Variants in PIKFYVE observed in about 807,000 individuals in gnomAD.
The protein encoded by PIKFYVE is phosphoinositide kinase, FYVE-type zinc finger containing, also known as 1-phosphatidylinositol 3-phosphate 5-kinase.
PIKFYVE carries 122 observed loss-of-function variants against 257.9 expected under a neutral mutation model. The observed-to-expected ratio is 0.47, with a 90% CI of 0.41 to 0.55. The LOEUF (loss-of-function observed/expected upper bound fraction) is 0.55, where lower values mean the gene tolerates loss of function less well. PIKFYVE is among the 20% of genes least tolerant of loss of function. PIKFYVE has a pLI of 0.00. For missense variants in PIKFYVE, 2,160 were observed against 2,536.6 expected, an observed-to-expected ratio of 0.85 and a Z score of 3.19; for synonymous variants, 892 against 868.9, an observed-to-expected ratio of 1.03 and a Z score of -0.47.
chr2:208,293,222 C>A (rs1193868733), intron 7 of PIKFYVE, among the ~76,000 whole-genome samples: 1 of 151,940 alleles, frequency 6.6e-6, no homozygotes, highest in Non-Finnish European at 1.5e-5. Flanking sequence ...TCCCTCCCAT[C>A]TGTTGTATTA....
intron 12 of PIKFYVE, among the ~76,000 whole-genome samples, chr2:208,306,360 A>G (rs1694313438): frequency 6.6e-6 from 1 of 152,246 alleles, no homozygotes; most frequent in South Asian, 2.1e-4. Flanking sequence ...CTTGGAGGAT[A>G]TTATGAAGGT....
At position 208,352,678 on chromosome 2, in the gene PIKFYVE, C is replaced by T; in HGVS notation, c.5740C>T (p.Leu1914Phe). Residue 1914 changes from leucine to phenylalanine, a missense_variant, in exon 39 of 42, where the codon CTT becomes TTT. Physicochemically the swap from Leu to Phe is conservative, Grantham distance 22. Coordinates refer to ENST00000264380, the MANE Select transcript of PIKFYVE (RefSeq NM_015040.4). Reference protein sequence around the residue: ...QKRPTALAKILGVYRIGYKNS... With the variant: ...QKRPTALAKIFGVYRIGYKNS... ...GAGGCCCACGGCGTTGGCCAAAATTCTTGGAGTTTACAGAATTGGTTATAA... is the reference window on the plus strand; with the variant it reads ...GAGGCCCACGGCGTTGGCCAAAATTTTTGGAGTTTACAGAATTGGTTATAA... 1 of 1,613,688 alleles carries T rather than the reference C, an allele frequency of 6.2e-7. No homozygotes were observed. The highest frequency in any genetic ancestry group is 8.5e-7 in the Non-Finnish European group (1 of 1,179,816).
intron 7 of PIKFYVE, among the ~76,000 whole-genome samples, chr2:208,289,995 A>G (rs1192292113): frequency 6.6e-6 from 1 of 152,174 alleles, no homozygotes. Flanking sequence ...AGGTTCATAC[A>G]AAAAATGAGC....
intron 17 of PIKFYVE, among the ~76,000 whole-genome samples, chr2:208,322,078 A>G (rs1696309846): frequency 6.6e-6 from 1 of 152,180 alleles, no homozygotes. Context: ...GAGAGAATTC[A>G]TAACCATACT....
At position 208,335,809 on chromosome 2, in the gene PIKFYVE, G is replaced by A. The variant is rs754321483; in HGVS notation, c.4273G>A (p.Val1425Ile). The A allele has an allele frequency of 1.2e-6, 2 of 1,611,762 alleles. No homozygotes were observed. Among genetic ancestry groups the A allele is most frequent in the Admixed American group, 1.7e-5 (1 of 59,996 alleles). Reference sequence around the variant, plus strand: ...TATTGTTAGAGTTTCACAGGTATATGTTGCCATTGATGAAAGACTTGCATC... The same window carrying A: ...TATTGTTAGAGTTTCACAGGTATATATTGCCATTGATGAAAGACTTGCATC... ...DFFQKVSQVYVAIDERLASLK... is the reference protein window; with the variant it reads ...DFFQKVSQVYIAIDERLASLK... The change falls in exon 26 of 42, where the codon GTT becomes ATT. Residue 1425 changes from valine to isoleucine, a missense_variant. Val to Ile is a conservative substitution (Grantham distance 29). This residue lies in a region of PIKFYVE where 699 missense variants were observed against 855.8 expected (regional missense o/e 0.82). Coordinates refer to ENST00000264380, the MANE Select transcript of PIKFYVE (RefSeq NM_015040.4).
At chr2:208,338,166 A>T (rs912365265) in intron 28 of PIKFYVE, among the ~76,000 whole-genome samples, 3 of 152,112 alleles carry the variant, frequency 2.0e-5, no homozygotes, top group Non-Finnish European at 2.9e-5. Context: ...GACATTAAAG[A>T]TATTTTTCAA....
chr2:208,328,088 G>C (rs1279041342), intron 20 of PIKFYVE, 92 bp from the exon 21 acceptor site: 11 of 1,602,010 alleles, frequency 6.9e-6, no homozygotes, highest in East Asian at 2.2e-5. Context: ...GTGATAATTG[G>C]AGGCTTTACA....
At chr2:208,313,283 A>G (rs1260341354) in intron 13 of PIKFYVE, among the ~76,000 whole-genome samples, 1 of 152,054 alleles carries the variant, frequency 6.6e-6, no homozygotes, top group Non-Finnish European at 1.5e-5. Flanking sequence ...TGTCTTATCT[A>G]TTTTCATTCA....
chr2:208,342,797 T>TA, intron 32 of PIKFYVE, 148 bp downstream of exon 32: 1 of 501,380 alleles, frequency 2.0e-6, no homozygotes, highest in Non-Finnish European at 3.4e-6. Context: ...GCTTGTTCTT[T>TA]TTTTTTTTTT....
chr2:208,302,482 A>G, intron 10 of PIKFYVE, 129 bp downstream of exon 10: 2 of 923,264 alleles, frequency 2.2e-6, no homozygotes. Flanking sequence ...TGTTTGAGGA[A>G]AGTTAAAACT....
chr2:208,266,598 C>T (rs955489140), intron 1 of PIKFYVE, among the ~76,000 whole-genome samples, 183 bp downstream of exon 1: 2 of 152,250 alleles, frequency 1.3e-5, no homozygotes, highest in Non-Finnish European at 1.5e-5. Context: ...TTAGCTTGTC[C>T]TCCCTATTCC....
intron 5 of PIKFYVE, among the ~76,000 whole-genome samples, chr2:208,284,734 ATGTTGTTTCCATTTG>A (rs1193132035): frequency 1.3e-5 from 2 of 152,192 alleles, no homozygotes; most frequent in Admixed American, 6.5e-5. Flanking sequence ...TATGGAAAAT[ATGTTGTTTCCATTTG>A]TGTTGGTTTA....
At chr2:208,281,001 C>T (rs1398880617) in intron 5 of PIKFYVE, among the ~76,000 whole-genome samples, 4 of 152,194 alleles carry the variant, frequency 2.6e-5, no homozygotes, top group Non-Finnish European at 5.9e-5. Flanking sequence ...ATTTAGGTTT[C>T]CTGACCCAGT....
chr2:208,343,379 A>G, intron 32 of PIKFYVE, among the ~76,000 whole-genome samples: 1 of 152,188 alleles, frequency 6.6e-6, no homozygotes, highest in East Asian at 1.9e-4. Context: ...TTCTACTTAG[A>G]AAACAGCAGT....
chr2:208,336,023 G>A (rs1698108990), intron 26 of PIKFYVE, 23 bp from the exon 27 acceptor site: 2 of 1,613,874 alleles, frequency 1.2e-6, no homozygotes, highest in African/African-American at 2.7e-5. Flanking sequence ...TCTGTCTCCT[G>A]AAGTTGTTTC....
chr2:208,345,517 T>C (rs1208542087), intron 33 of PIKFYVE, among the ~76,000 whole-genome samples: 1 of 152,156 alleles, frequency 6.6e-6, no homozygotes, highest in African/African-American at 2.4e-5. Flanking sequence ...CCTGCTTGAC[T>C]TGGCAATTCA....
intron 41 of PIKFYVE, 71 bp from the exon 42 acceptor site, chr2:208,355,118 TG>T: frequency 8.8e-7 from 1 of 1,138,862 alleles, no homozygotes; most frequent in Non-Finnish European, 1.3e-6. Flanking sequence ...TGAAAGAACA[TG>T]GTCAGTTGAC....
At chr2:208,312,149 G>T (rs1458873318) in intron 12 of PIKFYVE, 87 bp from the exon 13 acceptor site, 29 of 968,804 alleles carry the variant, frequency 3.0e-5, no homozygotes, top group Non-Finnish European at 4.6e-5. Flanking sequence ...TTGTGTGTGG[G>T]CGTATTCTCT....
At chr2:208,330,027 C>A in intron 22 of PIKFYVE, 114 bp downstream of exon 22, 1 of 1,367,392 alleles carries the variant, frequency 7.3e-7, no homozygotes, top group Non-Finnish European at 1.0e-6. Context: ...TCCTCACTTT[C>A]ATAGTGCATA....
Sources: allele counts gnomAD v4.1 joint callset (sites outside exome capture counted in the v4.1 genomes callset), GRCh38; gene constraint gnomAD v4.1.1; regional missense constraint gnomAD v4.1.1; transcripts MANE v1.5; gene names NCBI Gene and HGNC (gene_info 2026-07-23, HGNC 2026-07-21).